Variants in TSPAN9 observed in about 807,000 individuals in gnomAD.
The protein encoded by TSPAN9 is tetraspanin 9.
TSPAN9 carries 16 observed loss-of-function variants against 31.0 expected under a neutral mutation model. The ratio of observed to expected loss-of-function variants is 0.52; its 90% CI spans 0.35 to 0.78. TSPAN9 has a LOEUF of 0.78. Among genes scored for constraint, TSPAN9 ranks in the 30% least tolerant of loss-of-function variants. TSPAN9 has a pLI of 0.01. For missense variants in TSPAN9, 272 were observed against 312.5 expected (o/e 0.87, Z 0.98); for synonymous variants, 145 against 121.6 (o/e 1.19, Z -1.27).
At chr12:3,097,695 T>TC (rs562049520) in intron 2 of TSPAN9, among the ~76,000 whole-genome samples, 112 of 152,042 alleles carry the variant, frequency 7.4e-4, no homozygotes, top group African/African-American at 2.0e-3. Context: ...GAGGAATGGC[T>TC]CCCCCCGCAA....
At chr12:3,145,669 G>T (rs1181340486) in intron 2 of TSPAN9, among the ~76,000 whole-genome samples, 1 of 152,224 alleles carries the variant, frequency 6.6e-6, no homozygotes, top group African/African-American at 2.4e-5. Context: ...TCTCTGCCAG[G>T]ATCATCCTGT....
intron 1 of TSPAN9, among the ~76,000 whole-genome samples, chr12:3,080,269 G>T (rs553878249): frequency 6.6e-6 from 1 of 152,274 alleles, no homozygotes; most frequent in East Asian, 1.9e-4. Context: ...CAATCAATTA[G>T]GAAGTGTGCT....
At position 3,102,582 on chromosome 12, in the gene TSPAN9, C is replaced by T. The variant is rs371079487; in HGVS notation, c.-18+18863C>T. On this transcript the variant is annotated intron_variant, in intron 2 of 8. Coordinates refer to ENST00000011898, the MANE Select transcript of TSPAN9 (RefSeq NM_006675.5). The stretch of plus-strand genomic sequence containing the variant: ...CCTCCTGAGTAGCTGGGACTACAGG[C>T]GCCCGCCACCACGCCCGGCTAATTT... 8.2e-4 allele frequency among the ~76,000 whole-genome samples: 125 copies of T among 152,020 alleles called. 1 individual carries two copies. Among genetic ancestry groups the T allele is most frequent in the African/African-American group, 2.8e-3 (115 of 41,462 alleles).
At chr12:3,178,691 G>GT (rs1235702974) in intron 2 of TSPAN9, among the ~76,000 whole-genome samples, 1 of 152,210 alleles carries the variant, frequency 6.6e-6, no homozygotes, top group African/African-American at 2.4e-5. Flanking sequence ...TTTAGTTGCA[G>GT]TTTTCACAAA....
At chr12:3,137,510 C>G (rs1456744686) in intron 2 of TSPAN9, among the ~76,000 whole-genome samples, 1 of 152,226 alleles carries the variant, frequency 6.6e-6, no homozygotes, top group Non-Finnish European at 1.5e-5. Context: ...CTGGGCACCC[C>G]ACATCCATGC....
At chr12:3,140,472 C>T (rs2098334281) in intron 2 of TSPAN9, among the ~76,000 whole-genome samples, 1 of 152,100 alleles carries the variant, frequency 6.6e-6, no homozygotes. Context: ...CTGGCACTGG[C>T]CACGGATCAG....
intron 3 of TSPAN9, among the ~76,000 whole-genome samples, chr12:3,259,624 A>G (rs978681865): frequency 3.3e-5 from 5 of 152,248 alleles, no homozygotes; most frequent in South Asian, 2.1e-4. Flanking sequence ...AACTTGAAGG[A>G]TAAGCATGAG....
At chr12:3,244,151 A>G (rs934048635) in intron 3 of TSPAN9, among the ~76,000 whole-genome samples, 3 of 152,168 alleles carry the variant, frequency 2.0e-5, no homozygotes, top group African/African-American at 7.2e-5. Context: ...TTTGACCCCA[A>G]CAGTCTTCTT....
intron 3 of TSPAN9, among the ~76,000 whole-genome samples, chr12:3,247,299 GCCC>G (rs61516990): frequency 0.29 from 11,015 of 37,472 alleles, 2,488 homozygotes; most frequent in East Asian, 0.57. Flanking sequence ...TTACTGGCCA[GCCC>G]CCCCCCCCCC....
At chr12:3,114,074 C>T (rs898589117) in intron 2 of TSPAN9, among the ~76,000 whole-genome samples, 1 of 152,248 alleles carries the variant, frequency 6.6e-6, no homozygotes, top group Non-Finnish European at 1.5e-5. Context: ...TCCTGCATCT[C>T]TGACATCTAG....
At chr12:3,104,646 G>A (rs868162699) in intron 2 of TSPAN9, among the ~76,000 whole-genome samples, 2 of 152,094 alleles carry the variant, frequency 1.3e-5, no homozygotes, top group African/African-American at 4.8e-5. Flanking sequence ...GAGCCACTGC[G>A]CCTGGCCTCT....
chr12:3,145,040 C>T (rs2098336511), intron 2 of TSPAN9, among the ~76,000 whole-genome samples: 1 of 152,100 alleles, frequency 6.6e-6, no homozygotes, highest in Non-Finnish European at 1.5e-5. Context: ...AGGGCACCTC[C>T]TAGGAAATGT....
intron 3 of TSPAN9, among the ~76,000 whole-genome samples, chr12:3,217,102 T>C (rs1472323223): frequency 6.6e-6 from 1 of 152,214 alleles, no homozygotes; most frequent in Non-Finnish European, 1.5e-5. Context: ...TCCTCATCGT[T>C]CCCTTTCTTT....
At position 3,280,993 on chromosome 12, in the gene TSPAN9, C is replaced by T. The variant is rs931954772; in HGVS notation, c.433-205C>T. Among the ~76,000 whole-genome samples, 3 of 152,222 alleles carry T rather than the reference C, an allele frequency of 2.0e-5. No individual in the cohort carries two copies. The highest frequency in any genetic ancestry group is 6.5e-5 in the Admixed American group (1 of 15,294). On this transcript the variant is annotated intron_variant, in intron 6 of 8. Coordinates refer to ENST00000011898, the MANE Select transcript of TSPAN9 (RefSeq NM_006675.5). The surrounding 1 kb of genome is among the most constrained non-coding windows in gnomAD (Gnocchi z 4.5). ...CTGCATTGCCCTCTCCCGCTCTGGTCTCCAGGAAGGAGTGCTCACTCACTT... is the reference window on the plus strand; with the variant it reads ...CTGCATTGCCCTCTCCCGCTCTGGTTTCCAGGAAGGAGTGCTCACTCACTT...
intron 2 of TSPAN9, among the ~76,000 whole-genome samples, chr12:3,145,782 C>T (rs1397163766): frequency 6.6e-6 from 1 of 152,256 alleles, no homozygotes; most frequent in Non-Finnish European, 1.5e-5. Context: ...AGAGAGGGCT[C>T]AGACCATTTG....
intron 3 of TSPAN9, among the ~76,000 whole-genome samples, chr12:3,259,882 C>T (rs1862415968): frequency 6.6e-6 from 1 of 152,192 alleles, no homozygotes; most frequent in Non-Finnish European, 1.5e-5. Flanking sequence ...TTGGAGGAGC[C>T]AGAAGGGCTG....
intron 3 of TSPAN9, among the ~76,000 whole-genome samples, chr12:3,254,195 G>A (rs986981371): frequency 2.6e-5 from 4 of 152,358 alleles, no homozygotes; most frequent in African/African-American, 9.6e-5. Context: ...GGCTGGGCAG[G>A]GGCCCATGCC....
intron 2 of TSPAN9, among the ~76,000 whole-genome samples, chr12:3,155,826 G>A (rs532262719): frequency 3.5e-4 from 53 of 152,270 alleles, no homozygotes; most frequent in African/African-American, 1.2e-3. Context: ...AGGCACACTG[G>A]AGGCGGAGTT....
At chr12:3,123,153 A>G (rs1054229788) in intron 2 of TSPAN9, among the ~76,000 whole-genome samples, 1 of 152,194 alleles carries the variant, frequency 6.6e-6, no homozygotes, top group Non-Finnish European at 1.5e-5. Flanking sequence ...ACTCAACTCC[A>G]GCCCCGTCGA....
Sources: gnomAD v4.1 joint callset for allele counts (sites outside exome capture counted in the v4.1 genomes callset) on GRCh38, gnomAD v4.1.1 for gene constraint, Gnocchi (gnomAD v3.1) non-coding constraint, MANE v1.5 for transcripts, NCBI Gene and HGNC (gene_info 2026-07-23, HGNC 2026-07-21) for gene names.